Variants in CEP70 observed in about 807,000 individuals in gnomAD.
CEP70 encodes the protein centrosomal protein 70.
Under a neutral mutation model 90.9 loss-of-function variants are expected in CEP70, and 70 were observed. The observed-to-expected ratio is 0.77, with a 90% CI of 0.64 to 0.94. CEP70 has a LOEUF of 0.94. Among genes scored for constraint, CEP70 ranks in the 40% least tolerant of loss-of-function variants. The probability of loss-of-function intolerance (pLI) is 0.00; values close to 1 mark genes in which losing one functional copy is unlikely to be tolerated. For synonymous variants in CEP70, 220 were observed against 228.3 expected (o/e 0.96, Z 0.33); for missense variants, 648 against 669.0 (o/e 0.97, Z 0.35).
At chr3:138,582,426 A>T (rs1292568459) in intron 2 of CEP70, among the ~76,000 whole-genome samples, 2 of 150,434 alleles carry the variant, frequency 1.3e-5, no homozygotes, top group East Asian at 3.9e-4. Flanking sequence ...GAGCCAAGAT[A>T]GCGCCACTGA....
chr3:138,566,753 T>C (rs557172325), intron 6 of CEP70, among the ~76,000 whole-genome samples: 45 of 151,924 alleles, frequency 3.0e-4, no homozygotes, highest in Admixed American at 2.4e-3. Flanking sequence ...GGCACGTGTA[T>C]ACCTATGCAA....
intron 3 of CEP70, among the ~76,000 whole-genome samples, chr3:138,571,995 G>T (rs1444256447): frequency 6.6e-6 from 1 of 152,104 alleles, no homozygotes; most frequent in Admixed American, 6.6e-5. Flanking sequence ...AGCCAGGTTG[G>T]TCTGGATCTC....
At chr3:138,522,792 G>C (rs1204457799) in intron 11 of CEP70, among the ~76,000 whole-genome samples, 2 of 152,086 alleles carry the variant, frequency 1.3e-5, no homozygotes, top group Non-Finnish European at 2.9e-5. Flanking sequence ...TTCTACCAGA[G>C]GTACAAGGAG....
At chr3:138,495,563 A>G (rs1239942381) in intron 17 of CEP70, among the ~76,000 whole-genome samples, 1 of 152,180 alleles carries the variant, frequency 6.6e-6, no homozygotes, top group Non-Finnish European at 1.5e-5. Flanking sequence ...GATGAAAGGT[A>G]TCTGCCAGCT....
At chr3:138,593,909 C>T (rs954253214) in intron 1 of CEP70, 2 of 152,276 alleles carry the variant, frequency 1.3e-5, no homozygotes, top group African/African-American at 4.8e-5. Context: ...TCACAACCAC[C>T]TTGTAAGGCA....
intron 2 of CEP70, among the ~76,000 whole-genome samples, chr3:138,584,461 CAAAAAAAA>C (rs35985463): frequency 1.1e-5 from 1 of 92,176 alleles, no homozygotes; most frequent in African/African-American, 4.4e-5. Flanking sequence ...AAAGACATAT[CAAAAAAAA>C]AAAAAAAAAA....
intron 6 of CEP70, among the ~76,000 whole-genome samples, chr3:138,547,704 G>A (rs2039318491): frequency 6.6e-6 from 1 of 152,136 alleles, no homozygotes. Flanking sequence ...TAAGTACTGT[G>A]ATACTATGAC....
intron 11 of CEP70, among the ~76,000 whole-genome samples, chr3:138,514,674 T>A (rs1198789498): frequency 6.6e-6 from 1 of 152,122 alleles, no homozygotes; most frequent in African/African-American, 2.4e-5. Flanking sequence ...AAATCTTTTT[T>A]AAGTTTTGTT....
chr3:138,521,653 A>G (rs2036653393), intron 11 of CEP70, among the ~76,000 whole-genome samples: 1 of 135,580 alleles, frequency 7.4e-6, no homozygotes, highest in South Asian at 2.5e-4. Flanking sequence ...CCCGGCCGCG[A>G]CCCCGTCTGG....
chr3:138,516,837 A>G (rs2036078615), intron 11 of CEP70, among the ~76,000 whole-genome samples: 1 of 152,244 alleles, frequency 6.6e-6, no homozygotes. Flanking sequence ...TTTAATGCAT[A>G]TATTAACTCA....
chr3:138,570,390 A>C lies in CEP70; in HGVS notation c.393T>G (p.Asp131Glu). 6.2e-7 allele frequency: 1 copy of C among 1,608,564 alleles called. No individual in the cohort carries two copies. The highest frequency in any genetic ancestry group is 8.5e-7 in the Non-Finnish European group (1 of 1,178,028). Residue 131 changes from aspartate to glutamate, a missense_variant, in exon 6 of 18, where the codon GAT becomes GAG. Transcript: ENST00000264982. ...GGTGGCAAGCCCTACTTAGTGATTCATCCTCCAATTCACCAATTTTGGATT... is the reference window on the plus strand; with the variant it reads ...GGTGGCAAGCCCTACTTAGTGATTCCTCCTCCAATTCACCAATTTTGGATT... Reference protein sequence around the residue: ...SVKSKIGELEDESLSRACHQQ... With the variant: ...SVKSKIGELEEESLSRACHQQ...
At chr3:138,543,779 G>A (rs546976892) in intron 6 of CEP70, among the ~76,000 whole-genome samples, 1 of 152,172 alleles carries the variant, frequency 6.6e-6, no homozygotes, top group South Asian at 2.1e-4. Context: ...AATCCAACCT[G>A]GGTGACAGAG....
At chr3:138,559,861 T>C (rs2040273874) in intron 6 of CEP70, among the ~76,000 whole-genome samples, 1 of 152,228 alleles carries the variant, frequency 6.6e-6, no homozygotes, top group Non-Finnish European at 1.5e-5. Flanking sequence ...CAAGAGACAA[T>C]GGAATATTTT....
chr3:138,527,432 C>T (rs2037375657), intron 10 of CEP70, among the ~76,000 whole-genome samples: 1 of 151,724 alleles, frequency 6.6e-6, no homozygotes, highest in South Asian at 2.1e-4. Flanking sequence ...CACGGTGGCT[C>T]ACGCTTGTAA....
intron 11 of CEP70, among the ~76,000 whole-genome samples, chr3:138,525,054 C>T (rs916927013): frequency 6.6e-6 from 1 of 152,110 alleles, no homozygotes; most frequent in Non-Finnish European, 1.5e-5. Flanking sequence ...GAAAATGTGG[C>T]ACATATACAC....
intron 6 of CEP70, among the ~76,000 whole-genome samples, chr3:138,541,255 A>G (rs1346598066): frequency 6.6e-6 from 1 of 152,224 alleles, no homozygotes; most frequent in African/African-American, 2.4e-5. Context: ...ACATTCTCAA[A>G]GTCAAGCACA....
chr3:138,537,073 C>A, intron 7 of CEP70, 105 bp downstream of exon 7: 2 of 619,186 alleles, frequency 3.2e-6, no homozygotes. Context: ...AGAGGCTTTT[C>A]TAGTTTATAA....
In CEP70 at chr3:138,550,348, A is replaced by G. The variant is rs560512493; in HGVS notation, c.466-13001T>C. On this transcript the variant is annotated intron_variant, in intron 6 of 17. Coordinates refer to ENST00000264982, the MANE Select transcript of CEP70 (RefSeq NM_024491.4). ...ATGAGGAGAGAAATCTTCAGTGAAA[A>G]GATTGCATACATTTTTTGTTGTTGT... Among the ~76,000 whole-genome samples the G allele has an allele frequency of 2.6e-5, 4 of 152,290 alleles. No individual in the cohort carries two copies. In the East Asian group the frequency reaches 7.7e-4, roughly 29 times the overall value.
At chr3:138,570,648 G>C (rs2041111118) in intron 5 of CEP70, 150 bp from the exon 6 acceptor site, 1 of 626,430 alleles carries the variant, frequency 1.6e-6, no homozygotes, top group Non-Finnish European at 2.6e-6. Context: ...TCATATTTCA[G>C]ATTTTTTCAG....
Sources: allele counts gnomAD v4.1 joint callset (sites outside exome capture counted in the v4.1 genomes callset), GRCh38; gene constraint gnomAD v4.1.1; transcripts MANE v1.5; gene names NCBI Gene and HGNC (gene_info 2026-07-23, HGNC 2026-07-21).